KLHDC1: variants seen among roughly 807,000 people sequenced by gnomAD.
KLHDC1 encodes the protein kelch domain-containing protein 1.
KLHDC1 carries 53 observed loss-of-function variants against 68.3 expected under a neutral mutation model. That is an observed-to-expected ratio of 0.78 (90% confidence interval 0.62 to 0.98). The LOEUF is 0.98. Among genes scored for constraint, KLHDC1 ranks in the 50% least tolerant of loss-of-function variants. The pLI, the probability that KLHDC1 is intolerant of heterozygous loss-of-function variation, is 0.00. For missense variants in KLHDC1, 470 were observed against 492.3 expected (o/e 0.95, Z 0.43); for synonymous variants, 148 against 159.0 (o/e 0.93, Z 0.52).
chr14:49,709,702 G>C lies in KLHDC1; in HGVS notation c.168-7G>C, dbSNP rs757981534. 6.7e-7 allele frequency: 1 copy of C among 1,500,868 alleles called. No homozygotes were observed. The highest frequency in any genetic ancestry group is 9.1e-7 in the Non-Finnish European group (1 of 1,103,572). 93.0% of individuals were successfully genotyped at this position (1,500,868 alleles called of 1,614,324 possible). On this transcript the variant is annotated splice_region_variant and splice_polypyrimidine_tract_variant and intron_variant, in intron 2 of 12. Transcript: ENST00000359332. ...AGTTATGGGATTCCATGTTATTCTT[G>C]CTGCAGGAGAATGCACCTCATGGAA...
chr14:49,714,288 A>G (rs1042248753), intron 4 of KLHDC1, among the ~76,000 whole-genome samples: 1 of 151,762 alleles, frequency 6.6e-6, no homozygotes, highest in Non-Finnish European at 1.5e-5. Context: ...CCTGGCCAGC[A>G]TAGTGAAACC....
intron 12 of KLHDC1, among the ~76,000 whole-genome samples, chr14:49,746,747 G>A (rs1380871734): frequency 3.3e-5 from 5 of 152,142 alleles, no homozygotes; most frequent in Non-Finnish European, 7.4e-5. Context: ...TTTCTTGACT[G>A]ATTTTAGCAT....
At chr14:49,749,985 A>T (rs1406569811) in intron 12 of KLHDC1, among the ~76,000 whole-genome samples, 1 of 151,966 alleles carries the variant, frequency 6.6e-6, no homozygotes. Flanking sequence ...GCTTGAACCC[A>T]GGAGTGGGAG....
rs1340727503 is a variant in KLHDC1, at chr14:49,732,726, C to G, written c.733C>G (p.Pro245Ala). Residue 245 changes from proline (P) to alanine (A), a missense_variant, in exon 9 of 13, where the codon CCA (proline) becomes GCA (alanine). Coordinates refer to ENST00000359332, the MANE Select transcript of KLHDC1 (RefSeq NM_172193.3). ...CAGGATTACTATTAATGGAGAAAGC[C>G]CAAAACATCGGTCATGGCATACTTT... is the stretch of plus-strand genomic sequence containing the variant. ...SGRITINGES[P>A]KHRSWHTLTP... 1.9e-6 allele frequency: 3 copies of G among 1,602,700 alleles called. No individual in the cohort carries two copies. In the East Asian group the frequency reaches 6.7e-5, roughly 36 times the overall value.
chr14:49,742,211 A>T (rs1889080746), intron 11 of KLHDC1, among the ~76,000 whole-genome samples: 1 of 152,230 alleles, frequency 6.6e-6, no homozygotes. Context: ...AAAGTTTATC[A>T]TGAAAGTAGG....
intron 4 of KLHDC1, among the ~76,000 whole-genome samples, chr14:49,715,558 C>T (rs1888347420): frequency 6.6e-6 from 1 of 150,394 alleles, no homozygotes; most frequent in Non-Finnish European, 1.5e-5. Context: ...ACCAGCCTGG[C>T]TGACAGTGAA....
intron 1 of KLHDC1, among the ~76,000 whole-genome samples, chr14:49,696,052 TGAGA>T (rs1434943117): frequency 6.9e-6 from 1 of 144,092 alleles, no homozygotes; most frequent in Non-Finnish European, 1.5e-5. Context: ...GGCGACAGAG[TGAGA>T]CTCTGTCTCA....
intron 1 of KLHDC1, among the ~76,000 whole-genome samples, chr14:49,706,228 T>C (rs1335277112): frequency 6.6e-6 from 1 of 152,154 alleles, no homozygotes; most frequent in East Asian, 1.9e-4. Context: ...TGTAAGAACA[T>C]GTGATGTTTG....
At chr14:49,697,262 G>A (rs1237034595) in intron 1 of KLHDC1, among the ~76,000 whole-genome samples, 1 of 152,162 alleles carries the variant, frequency 6.6e-6, no homozygotes, top group African/African-American at 2.4e-5. Context: ...TGTTGTATCT[G>A]AGGGAATAAG....
chr14:49,727,397 T>G (rs947245345), intron 6 of KLHDC1, among the ~76,000 whole-genome samples: 1 of 152,192 alleles, frequency 6.6e-6, no homozygotes, highest in African/African-American at 2.4e-5. Context: ...CTATTGTGAC[T>G]GATAAGCTTA....
Position 49,734,586 on chromosome 14 carries a change from C to G in KLHDC1, c.824-3C>G. On this transcript the variant is annotated splice_region_variant and splice_polypyrimidine_tract_variant and intron_variant, in intron 9 of 12. Transcript: ENST00000359332. ...TAATTTCTGAACTGTCATGATATTG[C>G]AGGTGATGGTTGGATTCATAATGTC... is the stretch of plus-strand genomic sequence containing the variant. 6.4e-7 allele frequency: 1 copy of G among 1,562,204 alleles called. No homozygotes were observed. Among genetic ancestry groups the G allele is most frequent in the African/African-American group, 1.4e-5 (1 of 73,530 alleles).
intron 8 of KLHDC1, among the ~76,000 whole-genome samples, chr14:49,730,450 G>C (rs1468807797): frequency 2.0e-5 from 3 of 151,948 alleles, no homozygotes; most frequent in Non-Finnish European, 4.4e-5. Flanking sequence ...TCGATCTCTT[G>C]ACCTTGTGAT....
rs558420371 is a variant in KLHDC1 at position 49,713,493 on chromosome 14, T to A, written c.404+3112T>A. On this transcript the variant is annotated intron_variant, in intron 4 of 12. Transcript: ENST00000359332. ...GTATAGGAAAATCAGGATAAATGCT[T>A]GATTCTTTCGCCTTTAGAATCAATT... Among the ~76,000 whole-genome samples, 24 of 152,244 alleles carry A rather than the reference T, an allele frequency of 1.6e-4. 2 individuals are homozygous for A. The South Asian group carries it at 4.4e-3, about 28-fold the overall frequency.
At chr14:49,713,825 TATATATATATATATATATATATATA>T (rs1351335315) in intron 4 of KLHDC1, among the ~76,000 whole-genome samples, 45 of 3,516 alleles carry the variant, frequency 0.013, 7 homozygotes, top group African/African-American at 0.021. Flanking sequence ...TATATATATA[TATATATATATATATATATATATATA>T]TTTTTTTTTT....
intron 12 of KLHDC1, among the ~76,000 whole-genome samples, chr14:49,746,527 TC>T (rs1363455115): frequency 6.6e-6 from 1 of 152,050 alleles, no homozygotes; most frequent in Non-Finnish European, 1.5e-5. Flanking sequence ...ACTAAAGAGA[TC>T]CTAGAACATT....
At chr14:49,719,927 C>T (rs893669945) in intron 4 of KLHDC1, among the ~76,000 whole-genome samples, 5 of 151,558 alleles carry the variant, frequency 3.3e-5, no homozygotes, top group African/African-American at 2.4e-5. Flanking sequence ...TGGGCTCAAG[C>T]GTTCCTCCTT....
Position 49,751,566 on chromosome 14 carries a change from C to G in KLHDC1, c.1035-20C>G, listed in dbSNP as rs1889320855. On this transcript the variant is annotated intron_variant, in intron 12 of 12. Transcript: ENST00000359332. Reference sequence around the variant, plus strand: ...AACCTCAGGTTCAAGACTAATAATTCTGTTATGTTTTATTTACAGGTCATG... The same window carrying G: ...AACCTCAGGTTCAAGACTAATAATTGTGTTATGTTTTATTTACAGGTCATG... 1 of 1,286,216 alleles carries G rather than the reference C, an allele frequency of 7.8e-7. No homozygotes were observed. Among genetic ancestry groups the G allele is most frequent in the Non-Finnish European group, 1.1e-6 (1 of 950,928 alleles). The allele number at this position is 1,286,216 out of a possible 1,614,324, so 79.7% of individuals were successfully genotyped here. A position where few individuals can be genotyped will look rare whatever the true frequency, so the allele number is the denominator to read the frequency against.
At chr14:49,742,508 TA>T (rs1889087830) in intron 11 of KLHDC1, among the ~76,000 whole-genome samples, 1 of 151,870 alleles carries the variant, frequency 6.6e-6, no homozygotes, top group Non-Finnish European at 1.5e-5. Context: ...CCATCTCTAC[TA>T]AAAATTACAA....
chr14:49,695,253 G>A (rs1364186659), intron 1 of KLHDC1, among the ~76,000 whole-genome samples: 1 of 151,888 alleles, frequency 6.6e-6, no homozygotes, highest in African/African-American at 2.4e-5. Context: ...ACCATGCCTG[G>A]CTAATTTTTG....
Sources: allele counts gnomAD v4.1 joint callset (sites outside exome capture counted in the v4.1 genomes callset), GRCh38; gene constraint gnomAD v4.1.1; transcripts MANE v1.5; gene names NCBI Gene and HGNC (gene_info 2026-07-23, HGNC 2026-07-21).